Variants in UGT1A8 observed in about 807,000 individuals in gnomAD.
The protein encoded by UGT1A8 is UDP-glucuronosyltransferase 1A8.
UGT1A8 carries 39 observed loss-of-function variants against 45.3 expected under a neutral mutation model. The ratio of observed to expected loss-of-function variants is 0.86; its 90% CI spans 0.67 to 1.12. The LOEUF is 1.12. Among genes scored for constraint, UGT1A8 ranks in the 50% most tolerant of loss-of-function variants. The pLI, the probability that UGT1A8 is intolerant of heterozygous loss-of-function variation, is 0.00. For missense variants in UGT1A8, 719 were observed against 664.9 expected (o/e 1.08, Z -0.90); for synonymous variants, 275 against 249.2 (o/e 1.10, Z -0.97).
chr2:233,736,308 T>C (rs1250743024), intron 1 of UGT1A8, among the ~76,000 whole-genome samples: 1 of 152,222 alleles, frequency 6.6e-6, no homozygotes, highest in African/African-American at 2.4e-5. Flanking sequence ...TAATCAGCTA[T>C]TGAATTTTGT....
At chr2:233,640,332 T>C (rs1290727345) in intron 1 of UGT1A8, among the ~76,000 whole-genome samples, 1 of 152,208 alleles carries the variant, frequency 6.6e-6, no homozygotes, top group Non-Finnish European at 1.5e-5. Flanking sequence ...AAGAAACTTT[T>C]TGGCTGTCAT....
intron 1 of UGT1A8, among the ~76,000 whole-genome samples, chr2:233,728,340 T>A (rs2077702192): frequency 6.6e-6 from 1 of 152,202 alleles, no homozygotes; most frequent in African/African-American, 2.4e-5. Flanking sequence ...CCCCAGTCCC[T>A]TGGTGAGCAG....
rs771159962 is a variant in UGT1A8 at position 233,772,481 on chromosome 2, ATGT to A, written c.1519_1521del (p.Cys507del). 1.2e-6 allele frequency: 2 copies of A among 1,614,126 alleles called. No homozygotes were observed. Among genetic ancestry groups the A allele is most frequent in the South Asian group, 1.1e-5 (1 of 91,090 alleles). ...TGACAGTGGCCTTCATCACCTTTAA[ATGT>A]TGTGCTTATGGCTACCGGAAATGCT... On this transcript the variant is annotated inframe_deletion, in exon 5 of 5. Transcript: ENST00000373450.
chr2:233,768,233 C>A lies in UGT1A8; in HGVS notation c.1089C>A (p.Thr363=), dbSNP rs1699591703. The change falls in exon 4 of 5, where the codon ACC becomes ACA. Residue 363 remains threonine, a synonymous_variant. Coordinates refer to ENST00000373450, the MANE Select transcript of UGT1A8 (RefSeq NM_019076.5). ...PQNDLLGHPM[T]RAFITHAGSH... ...TTTGCATCTCAGGTCACCCGATGAC[C>A]CGTGCCTTTATCACCCATGCTGGTT... 6.2e-7 allele frequency: 1 copy of A among 1,614,170 alleles called. No homozygotes were observed. The highest frequency in any genetic ancestry group is 8.5e-7 in the Non-Finnish European group (1 of 1,180,028).
chr2:233,653,886 C>T (rs1246856741), intron 1 of UGT1A8, among the ~76,000 whole-genome samples: 3 of 152,204 alleles, frequency 2.0e-5, no homozygotes. Context: ...CATGGGCCAC[C>T]ACGCCCGGCC....
At chr2:233,693,298 C>G (rs762079696) in intron 1 of UGT1A8, 1 of 1,614,146 alleles carries the variant, frequency 6.2e-7, no homozygotes, top group Non-Finnish European at 8.5e-7. Flanking sequence ...GAAACAATCA[C>G]TTTGCTGAGC....
At chr2:233,699,430 G>T (rs2075505174) in intron 1 of UGT1A8, among the ~76,000 whole-genome samples, 1 of 152,190 alleles carries the variant, frequency 6.6e-6, no homozygotes, top group Admixed American at 6.5e-5. Flanking sequence ...TATTAGAAGG[G>T]TCATTGGAGT....
intron 4 of UGT1A8, chr2:233,771,640 G>C (rs183876140): frequency 4.5e-4 from 68 of 152,464 alleles, no homozygotes; most frequent in African/African-American, 1.6e-3. Context: ...TTATTTTACT[G>C]TATGAAAATA....
At chr2:233,659,325 G>A (rs567549383) in intron 1 of UGT1A8, among the ~76,000 whole-genome samples, 1 of 152,084 alleles carries the variant, frequency 6.6e-6, no homozygotes, top group Non-Finnish European at 1.5e-5. Flanking sequence ...ATAGCCTACT[G>A]TATAGCAGAA....
At chr2:233,768,705 T>C (rs536691348) in intron 4 of UGT1A8, among the ~76,000 whole-genome samples, 10 of 148,550 alleles carry the variant, frequency 6.7e-5, no homozygotes, top group Admixed American at 6.1e-4. Flanking sequence ...TGCCTCAGCC[T>C]CCGTGTAGCT....
chr2:233,762,622 T>A (rs772893097), intron 1 of UGT1A8, among the ~76,000 whole-genome samples: 3 of 152,196 alleles, frequency 2.0e-5, no homozygotes, highest in Non-Finnish European at 4.4e-5. Context: ...TGTTGTGACC[T>A]CAAACACTTC....
At chr2:233,743,984 C>A in intron 1 of UGT1A8, 1 of 1,291,724 alleles carries the variant, frequency 7.7e-7, no homozygotes, top group South Asian at 1.3e-5. Context: ...CACCCAGGCG[C>A]AGGCCCGAGT....
At position 233,646,129 on chromosome 2, in the gene UGT1A8, A is replaced by G. The variant is rs111339051; in HGVS notation, c.855+27567A>G. ...AAGGCTCGGCACTTGCACCTTCTGA[A>G]GCCATGGTGTGAGCTGTACTTTGGC... is the stretch of plus-strand genomic sequence containing the variant. On this transcript the variant is annotated intron_variant, in intron 1 of 4. Transcript: ENST00000373450. Among the ~76,000 whole-genome samples, 1,262 of 152,280 alleles carry G rather than the reference A, an allele frequency of 8.3e-3. 21 individuals carry two copies. The highest frequency in any genetic ancestry group is 0.028 in the African/African-American group (1,178 of 41,562).
chr2:233,658,010 TTCC>T (rs1437059160), intron 1 of UGT1A8, among the ~76,000 whole-genome samples: 1 of 138,494 alleles, frequency 7.2e-6, no homozygotes, highest in African/African-American at 2.7e-5. Context: ...TGTGCCTAGT[TTCC>T]TCCTCTTTTT....
chr2:233,636,728 C>G (rs146289100), intron 1 of UGT1A8: 2 of 1,614,034 alleles, frequency 1.2e-6, no homozygotes, highest in African/African-American at 2.7e-5. Context: ...CTGGAAAGAT[C>G]ACTGAATTGC....
At chr2:233,737,917 T>TG (rs1690633729) in intron 1 of UGT1A8, among the ~76,000 whole-genome samples, 4 of 152,026 alleles carry the variant, frequency 2.6e-5, no homozygotes, top group African/African-American at 4.8e-5. Flanking sequence ...AACAGGCTAG[T>TG]GTATTTAGTA....
chr2:233,687,341 A>G (rs1214962617), intron 1 of UGT1A8, among the ~76,000 whole-genome samples: 2 of 152,122 alleles, frequency 1.3e-5, no homozygotes, highest in Non-Finnish European at 2.9e-5. Flanking sequence ...GAATGATTTA[A>G]ACTTCAGATG....
At chr2:233,755,174 G>C (rs868590389) in intron 1 of UGT1A8, 4 of 1,248,738 alleles carry the variant, frequency 3.2e-6, no homozygotes, top group African/African-American at 3.0e-5. Flanking sequence ...GGTTTTTGTC[G>C]GGGTGCCACT....
chr2:233,750,975 G>A (rs1468208410), intron 1 of UGT1A8, among the ~76,000 whole-genome samples: 2 of 151,842 alleles, frequency 1.3e-5, no homozygotes, highest in African/African-American at 2.4e-5. Flanking sequence ...GCCTAGTGGA[G>A]TTGTGAGAAG....
Sources: allele counts gnomAD v4.1 joint callset (sites outside exome capture counted in the v4.1 genomes callset), GRCh38; gene constraint gnomAD v4.1.1; transcripts MANE v1.5; gene names NCBI Gene and HGNC (gene_info 2026-07-23, HGNC 2026-07-21).